Variants in KCNJ6 observed in about 807,000 individuals in gnomAD.
The protein encoded by KCNJ6 is potassium inwardly rectifying channel subfamily J member 6, also known as G protein-activated inward rectifier potassium channel 2.
KCNJ6 carries 9 observed loss-of-function variants against 34.2 expected under a neutral mutation model. That is an observed-to-expected ratio of 0.26 (90% CI 0.16 to 0.46). The LOEUF is 0.46. Among genes scored for constraint, KCNJ6 ranks in the 20% least tolerant of loss-of-function variants. The probability of loss-of-function intolerance (pLI) is 1.00; values close to 1 mark genes in which losing one functional copy is unlikely to be tolerated. For synonymous variants in KCNJ6, 196 were observed against 207.1 expected (o/e 0.95, Z 0.46); for missense variants, 236 against 531.3 (o/e 0.44, Z 5.46).
intron 1 of KCNJ6, among the ~76,000 whole-genome samples, chr21:37,912,341 T>G (rs2055870870): frequency 2.0e-5 from 3 of 152,210 alleles, no homozygotes; most frequent in Non-Finnish European, 4.4e-5. Flanking sequence ...GTTCGGTGAA[T>G]AAGCACTGAA....
intron 1 of KCNJ6, among the ~76,000 whole-genome samples, chr21:37,857,932 A>G (rs2055573312): frequency 6.6e-6 from 1 of 152,240 alleles, no homozygotes; most frequent in African/African-American, 2.4e-5. Flanking sequence ...ATAATCAAGG[A>G]CACAGAGTGT....
intron 3 of KCNJ6, among the ~76,000 whole-genome samples, chr21:37,630,394 C>T (rs2054328944): frequency 2.0e-5 from 3 of 152,096 alleles, no homozygotes; most frequent in South Asian, 4.1e-4. Flanking sequence ...AGCATTTGCA[C>T]AGTGCTTCAA....
intron 2 of KCNJ6, among the ~76,000 whole-genome samples, chr21:37,745,631 C>A (rs144030674): frequency 1.3e-5 from 2 of 152,284 alleles, no homozygotes; most frequent in African/African-American, 4.8e-5. Flanking sequence ...TGATATTAGT[C>A]CAATCAATTT....
At chr21:37,699,171 C>A (rs909218952) in intron 3 of KCNJ6, among the ~76,000 whole-genome samples, 14 of 152,264 alleles carry the variant, frequency 9.2e-5, no homozygotes, top group African/African-American at 3.4e-4. Flanking sequence ...ACAGGAAATT[C>A]TTTGCTTAAT....
intron 2 of KCNJ6, among the ~76,000 whole-genome samples, chr21:37,716,353 AT>A (rs1009263925): frequency 1.3e-4 from 18 of 141,654 alleles, no homozygotes; most frequent in South Asian, 2.3e-4. Context: ...GCTTGTGGTT[AT>A]TTTTTTTCTT....
intron 1 of KCNJ6, among the ~76,000 whole-genome samples, chr21:37,876,577 C>A (rs2055679278): frequency 6.6e-6 from 1 of 151,190 alleles, no homozygotes; most frequent in African/African-American, 2.4e-5. Flanking sequence ...ATGTTCTGTC[C>A]TTTTTTCAAA....
intron 3 of KCNJ6, among the ~76,000 whole-genome samples, chr21:37,660,672 A>G (rs2054484075): frequency 6.6e-6 from 1 of 152,216 alleles, no homozygotes; most frequent in Admixed American, 6.5e-5. Flanking sequence ...GATGGGGAGA[A>G]GGCGTGCTGG....
chr21:37,817,932 G>C (rs2055354347), intron 2 of KCNJ6, among the ~76,000 whole-genome samples: 1 of 152,136 alleles, frequency 6.6e-6, no homozygotes, highest in African/African-American at 2.4e-5. Context: ...ATTATTTGGT[G>C]TCATTCGCAC....
At chr21:37,627,560 G>A (rs2054316784) in intron 3 of KCNJ6, among the ~76,000 whole-genome samples, 2 of 152,190 alleles carry the variant, frequency 1.3e-5, no homozygotes, top group South Asian at 4.1e-4. Context: ...ACATGTTTAT[G>A]GTAAAGTGGC....
intron 1 of KCNJ6, among the ~76,000 whole-genome samples, chr21:37,906,967 A>C (rs1601525937): frequency 1.3e-5 from 2 of 152,206 alleles, no homozygotes; most frequent in East Asian, 3.9e-4. Context: ...AATCTACCCC[A>C]TTCGTTGCCA....
intron 2 of KCNJ6, among the ~76,000 whole-genome samples, chr21:37,815,881 C>T (rs918785875): frequency 8.5e-5 from 13 of 152,282 alleles, no homozygotes; most frequent in Admixed American, 3.9e-4. Flanking sequence ...GCCAGATGTA[C>T]GTCCCTGCGC....
At chr21:37,726,314 T>C (rs2054854268) in intron 2 of KCNJ6, among the ~76,000 whole-genome samples, 1 of 152,216 alleles carries the variant, frequency 6.6e-6, no homozygotes, top group East Asian at 1.9e-4. Flanking sequence ...ATATGGTAGA[T>C]GTTATTGTTT....
intron 2 of KCNJ6, among the ~76,000 whole-genome samples, chr21:37,735,658 G>T (rs1279780824): frequency 6.6e-6 from 1 of 152,170 alleles, no homozygotes; most frequent in Non-Finnish European, 1.5e-5. Context: ...GCTGTGGGAG[G>T]AAGGGGTGTG....
At chr21:37,856,572 A>T (rs2123596883) in intron 1 of KCNJ6, among the ~76,000 whole-genome samples, 1 of 152,236 alleles carries the variant, frequency 6.6e-6, no homozygotes, top group South Asian at 2.1e-4. Flanking sequence ...TATACACTCA[A>T]ATACTTAGGG....
chr21:37,876,487 AT>A (rs1296594522), intron 1 of KCNJ6, among the ~76,000 whole-genome samples: 1 of 152,174 alleles, frequency 6.6e-6, no homozygotes, highest in African/African-American at 2.4e-5. Flanking sequence ...GTCATTACTT[AT>A]CCCAGGACAT....
intron 1 of KCNJ6, among the ~76,000 whole-genome samples, chr21:37,914,832 G>A (rs1326998333): frequency 1.3e-5 from 2 of 152,104 alleles, no homozygotes; most frequent in Non-Finnish European, 2.9e-5. Context: ...GGCTCCCCGG[G>A]ACCGACAGAC....
intron 3 of KCNJ6, among the ~76,000 whole-genome samples, chr21:37,677,908 A>G (rs1356376075): frequency 6.6e-6 from 1 of 151,146 alleles, no homozygotes; most frequent in Non-Finnish European, 1.5e-5. Context: ...CAGCCAGCCA[A>G]CAATCCATTC....
rs373324177 is a variant in KCNJ6 at position 37,641,396 on chromosome 21, T to C, written c.947-15912A>G. Among the ~76,000 whole-genome samples, 21 of 152,274 alleles carry C rather than the reference T, an allele frequency of 1.4e-4. 1 individual carries two copies. Among genetic ancestry groups the C allele is most frequent in the Admixed American group, 7.8e-4 (12 of 15,292 alleles). ...AATGATGACTTGGCCCTCGGATTCA[T>C]TGGATGTATAGTCTACTGAGAATCC... On this transcript the variant is annotated intron_variant, in intron 3 of 3. Coordinates refer to ENST00000609713, the MANE Select transcript of KCNJ6 (RefSeq NM_002240.5).
intron 2 of KCNJ6, among the ~76,000 whole-genome samples, chr21:37,756,640 T>C (rs2055027362): frequency 6.7e-6 from 1 of 149,808 alleles, no homozygotes; most frequent in African/African-American, 2.5e-5. Flanking sequence ...GAGTGAGCAC[T>C]CCCTCACAGC....
Sources: allele counts gnomAD v4.1 joint callset (sites outside exome capture counted in the v4.1 genomes callset), GRCh38; gene constraint gnomAD v4.1.1; transcripts MANE v1.5; gene names NCBI Gene and HGNC (gene_info 2026-07-23, HGNC 2026-07-21).